The following PSCA variants were observed in gnomAD, a reference collection of about 807,000 sequenced individuals.
PSCA encodes prostate stem cell antigen.
PSCA carries 7 observed loss-of-function variants against 7.9 expected under a neutral mutation model. That is an observed-to-expected ratio of 0.89 (90% CI 0.51 to 1.67). PSCA has a LOEUF of 1.67. Ranked by LOEUF, PSCA falls within the 40% of genes most tolerant of loss-of-function variation. The probability of loss-of-function intolerance (pLI) is 0.00; values close to 1 mark genes in which losing one functional copy is unlikely to be tolerated. For synonymous variants in PSCA, 61 were observed against 68.3 expected (o/e 0.89, Z 0.53); for missense variants, 151 against 147.9 (o/e 1.02, Z -0.11).
chr8:142,682,501 C>G lies in PSCA; in HGVS notation c.*369C>G. On this transcript the variant is annotated 3_prime_UTR_variant, in exon 3 of 3. Coordinates refer to ENST00000301258, the MANE Select transcript of PSCA (RefSeq NM_005672.5). Reference sequence around the variant, plus strand: ...TTGAGCCAGGTCTGGTCCGTGGTGTCCCCCGCACCCAGCAGGGGACAGGCA... The same window carrying G: ...TTGAGCCAGGTCTGGTCCGTGGTGTGCCCCGCACCCAGCAGGGGACAGGCA... 1.9e-6 allele frequency: 1 copy of G among 520,450 alleles called. No homozygotes were observed. Among genetic ancestry groups the G allele is most frequent in the Non-Finnish European group, 3.7e-6 (1 of 268,408 alleles). 32.2% of individuals were successfully genotyped at this position (520,450 alleles called of 1,614,324 possible). A position where few individuals can be genotyped will look rare whatever the true frequency, so the allele number is the denominator to read the frequency against.
upstream of PSCA, among the ~76,000 whole-genome samples, chr8:142,679,526 G>A (rs1266036576): frequency 6.6e-6 from 1 of 152,246 alleles, no homozygotes; most frequent in East Asian, 1.9e-4. Flanking sequence ...TGTGCCCAAG[G>A]TGGTCAGTGC....
chr8:142,674,221 A>C (rs1031100319), intron 1 of PSCA, among the ~76,000 whole-genome samples: 16 of 146,052 alleles, frequency 1.1e-4, no homozygotes, highest in Non-Finnish European at 2.1e-4. Context: ...CTAATGAATA[A>C]CGGCTGGGAA....
chr8:142,682,011 T>A lies in PSCA; in HGVS notation c.224T>A (p.Ile75Asn). The change falls in exon 3 of 3, where the codon ATC (isoleucine) becomes AAC (asparagine). Residue 75 changes from isoleucine to asparagine, a missense_variant. Transcript: ENST00000301258. Reference protein sequence around the residue: ...SQDYYVGKKNITCCDTDLCNA... With the variant: ...SQDYYVGKKNNTCCDTDLCNA... ...GACTACTACGTGGGCAAGAAGAACA[T>A]CACGTGCTGTGACACCGACTTGTGC... 6.2e-7 allele frequency: 1 copy of A among 1,613,154 alleles called. No homozygotes were observed. Among genetic ancestry groups the A allele is most frequent in the Non-Finnish European group, 8.5e-7 (1 of 1,179,726 alleles).
At chr8:142,681,657 C>T in intron 2 of PSCA, 3 of 614,996 alleles carry the variant, frequency 4.9e-6, no homozygotes, top group Non-Finnish European at 5.9e-6. Flanking sequence ...TCTTCCACTC[C>T]TCCACCCATC....
intron 1 of PSCA, among the ~76,000 whole-genome samples, chr8:142,675,094 T>C (rs1847383832): frequency 1.3e-5 from 2 of 152,240 alleles, no homozygotes; most frequent in South Asian, 2.1e-4. Flanking sequence ...TGGAGGTCTC[T>C]GGATGACAGG....
Position 142,673,574 on chromosome 8 carries a change from G to A in PSCA, n.261+3006G>A, listed in dbSNP as rs587669002. On this transcript the variant is annotated intron_variant and non_coding_transcript_variant, in intron 1 of 1. Transcript: ENST00000505305. The surrounding 1 kb of genome is among the most constrained non-coding windows in gnomAD (Gnocchi z 4.6). ...AATTCATGCAGAGCCAGCTGAACGG[G>A]AGACCAGAGTTTTATCATCACTCAA... Among the ~76,000 whole-genome samples the A allele has an allele frequency of 6.6e-6, 1 of 152,350 alleles. No individual in the cohort carries two copies. Among genetic ancestry groups the A allele is most frequent in the South Asian group, 2.1e-4 (1 of 4,832 alleles).
At chr8:142,674,055 TCAG>T (rs1847367051) in intron 1 of PSCA, among the ~76,000 whole-genome samples, 1 of 149,796 alleles carries the variant, frequency 6.7e-6, no homozygotes, top group Non-Finnish European at 1.5e-5. Flanking sequence ...CAGTCTAACC[TCAG>T]CAGAGCTCAG....
At chr8:142,677,193 G>A (rs587613412), upstream of PSCA, among the ~76,000 whole-genome samples, 2 of 152,314 alleles carry the variant, frequency 1.3e-5, no homozygotes, top group East Asian at 3.9e-4. Flanking sequence ...CCCAACCTGT[G>A]GTCAGGGGTG....
At chr8:142,675,228 G>T (rs1246909445) in intron 1 of PSCA, among the ~76,000 whole-genome samples, 1 of 152,244 alleles carries the variant, frequency 6.6e-6, no homozygotes, top group African/African-American at 2.4e-5. Flanking sequence ...CAGGAGCAGA[G>T]GGTGCAGAGT....
rs144614802 is a variant in PSCA, at chr8:142,682,529, C to T, written c.*397C>T. 3.0e-5 allele frequency: 14 copies of T among 471,086 alleles called. No homozygotes were observed. Among genetic ancestry groups the T allele is most frequent in the African/African-American group, 2.3e-4 (12 of 51,420 alleles). The allele number at this position is 471,086 out of a possible 1,614,324, so 29.2% of individuals were successfully genotyped here. On this transcript the variant is annotated 3_prime_UTR_variant, in exon 3 of 3. Coordinates refer to ENST00000301258, the MANE Select transcript of PSCA (RefSeq NM_005672.5). Reference sequence around the variant, plus strand: ...CCGCACCCAGCAGGGGACAGGCACTCAGGAGGGCCCGGTAAAGGCTGAGAT... The same window carrying T: ...CCGCACCCAGCAGGGGACAGGCACTTAGGAGGGCCCGGTAAAGGCTGAGAT...
At chr8:142,672,444 G>C (rs1402307267) in intron 1 of PSCA, among the ~76,000 whole-genome samples, 1 of 152,230 alleles carries the variant, frequency 6.6e-6, no homozygotes, top group Non-Finnish European at 1.5e-5. Context: ...CCATGCTAGA[G>C]TCAGATGTGT....
rs587647255 is a variant in PSCA, at chr8:142,673,073, G to A, written n.261+2505G>A. Among the ~76,000 whole-genome samples the A allele has an allele frequency of 5.9e-5, 9 of 152,256 alleles. No homozygotes were observed. Among genetic ancestry groups the A allele is most frequent in the African/African-American group, 1.2e-4 (5 of 41,542 alleles). On this transcript the variant is annotated intron_variant and non_coding_transcript_variant, in intron 1 of 1. Transcript: ENST00000505305. This position sits in a 1 kb window ranked among gnomAD's most constrained non-coding sequence, Gnocchi z 4.6. ...TTGGCACAACTGCTGGCATTCACGC[G>A]TGCAAGCTTCCAGCTTGCTTGTCTT...
At chr8:142,681,598 C>T (rs1814636390) in intron 2 of PSCA, 164 bp downstream of exon 2, 1 of 662,534 alleles carries the variant, frequency 1.5e-6, no homozygotes, top group East Asian at 2.7e-5. Flanking sequence ...CTCCAGCCAT[C>T]CTCCTCCATC....
At chr8:142,681,795 G>A in intron 2 of PSCA, 126 bp from the exon 3 acceptor site, 1 of 720,262 alleles carries the variant, frequency 1.4e-6, no homozygotes, top group Non-Finnish European at 2.3e-6. Flanking sequence ...CGCACTGCTT[G>A]CAATCCTGAG....
chr8:142,676,472 G>A (rs1847403126), upstream of PSCA: 1 of 152,298 alleles, frequency 6.6e-6, no homozygotes, highest in Admixed American at 6.5e-5. Context: ...CTCAGGGACG[G>A]GATCACTTGG....
chr8:142,681,832 T>C (rs1210892814), intron 2 of PSCA, 89 bp from the exon 3 acceptor site: 27 of 912,146 alleles, frequency 3.0e-5, no homozygotes, highest in Non-Finnish European at 4.4e-5. Flanking sequence ...TCTAGAGCAT[T>C]AGGCAGGGTG....
chr8:142,682,308 TC>T lies in PSCA; in HGVS notation c.*178del, dbSNP rs782078529. On this transcript the variant is annotated 3_prime_UTR_variant, in exon 3 of 3. Coordinates refer to ENST00000301258, the MANE Select transcript of PSCA (RefSeq NM_005672.5). ...CCACCCTGACCCTCCCATGGCCCTC[TC>T]CAGGACTCCCACCCGGCAGATCGGC... 244 of 796,624 alleles carry T rather than the reference TC, an allele frequency of 3.1e-4. 3 individuals are homozygous for T. The highest frequency in any genetic ancestry group is 2.9e-3 in the South Asian group (202 of 68,626). 49.3% of individuals were successfully genotyped at this position (796,624 alleles called of 1,614,324 possible). A position where few individuals can be genotyped will look rare whatever the true frequency, so the allele number is the denominator to read the frequency against.
chr8:142,677,857 T>G (rs1304912902), upstream of PSCA, among the ~76,000 whole-genome samples: 1 of 151,874 alleles, frequency 6.6e-6, no homozygotes, highest in Non-Finnish European at 1.5e-5. Context: ...GAAGAGACAA[T>G]TTCCATGGAA....
intron 1 of PSCA, 106 bp downstream of exon 1, chr8:142,680,669 G>A: frequency 7.0e-7 from 1 of 1,422,912 alleles, no homozygotes; most frequent in Non-Finnish European, 9.6e-7. Flanking sequence ...AAGGAGGAAG[G>A]GAGAGGAAGG....
Sources: gnomAD v4.1 joint callset for allele counts (sites outside exome capture counted in the v4.1 genomes callset) on GRCh38, gnomAD v4.1.1 for gene constraint, Gnocchi (gnomAD v3.1) non-coding constraint, MANE v1.5 for transcripts, NCBI Gene and HGNC (gene_info 2026-07-23, HGNC 2026-07-21) for gene names.